Variants in PPP3CA observed in about 807,000 individuals in gnomAD.
The protein encoded by PPP3CA is protein phosphatase 3 catalytic subunit alpha.
Under a neutral mutation model 66.5 loss-of-function variants are expected in PPP3CA, and 14 were observed. The observed-to-expected ratio is 0.21, with a 90% CI of 0.14 to 0.33. The LOEUF is 0.33. Among genes scored for constraint, PPP3CA ranks in the 10% least tolerant of loss-of-function variants. The pLI is 1.00. For synonymous variants in PPP3CA, 232 were observed against 226.2 expected (o/e 1.03, Z -0.23); for missense variants, 317 against 639.5 (o/e 0.50, Z 5.44).
chr4:101,311,766 G>C (rs965566244), intron 1 of PPP3CA, among the ~76,000 whole-genome samples: 14 of 152,098 alleles, frequency 9.2e-5, no homozygotes, highest in Non-Finnish European at 1.0e-4. Context: ...GGGGATAGAA[G>C]GATACAAAAA....
rs191170053 is a variant in PPP3CA, at chr4:101,209,142, T to G, written c.59-13026A>C. ...TTATTAGAAAGAAATAATTTATACT[T>G]CCATAATAGAGATTTTAACAGTCCA... On this transcript the variant is annotated intron_variant, in intron 1 of 13. Coordinates refer to ENST00000394854, the MANE Select transcript of PPP3CA (RefSeq NM_000944.5). Among the ~76,000 whole-genome samples, 587 of 152,244 alleles carry G rather than the reference T, an allele frequency of 3.9e-3. 5 individuals are homozygous for G. Among genetic ancestry groups the G allele is most frequent in the African/African-American group, 0.013 (560 of 41,548 alleles).
intron 1 of PPP3CA, among the ~76,000 whole-genome samples, chr4:101,201,874 C>T (rs892814879): frequency 6.6e-6 from 1 of 152,182 alleles, no homozygotes; most frequent in African/African-American, 2.4e-5. Flanking sequence ...ATCAATTAAT[C>T]AATCAACCAG....
intron 1 of PPP3CA, among the ~76,000 whole-genome samples, chr4:101,257,168 A>G (rs1299100130): frequency 2.6e-5 from 4 of 151,740 alleles, no homozygotes; most frequent in African/African-American, 9.7e-5. Context: ...GTTATTGTTT[A>G]CTCCTGATTC....
intron 1 of PPP3CA, among the ~76,000 whole-genome samples, chr4:101,204,967 A>C (rs1196842055): frequency 6.7e-6 from 1 of 149,570 alleles, no homozygotes; most frequent in African/African-American, 2.5e-5. Context: ...ACTATCTTGG[A>C]TCTCCATACT....
Position 101,099,698 on chromosome 4 carries a change from T to C in PPP3CA, c.409A>G (p.Lys137Glu), listed in dbSNP as rs758904818. ...AACAGTGTTTTGGGGTAGAGAATTT[T>C]CAAGGCCCACAAATACAGCACACAC... ...IECVLYLWALKILYPKTLFLL... is the reference protein window; with the variant it reads ...IECVLYLWALEILYPKTLFLL... Residue 137 changes from lysine (K) to glutamate (E), a missense_variant, in exon 4 of 14, where the codon AAA becomes GAA. Lys to Glu is a moderately conservative substitution (Grantham distance 56). Transcript: ENST00000394854. 6.3e-7 allele frequency: 1 copy of C among 1,585,508 alleles called. No homozygotes were observed. Among genetic ancestry groups the C allele is most frequent in the Non-Finnish European group, 8.6e-7 (1 of 1,164,510 alleles).
intron 1 of PPP3CA, among the ~76,000 whole-genome samples, chr4:101,242,823 G>A (rs535225788): frequency 5.1e-4 from 77 of 152,252 alleles, no homozygotes; most frequent in Non-Finnish European, 9.3e-4. Context: ...AGCTACTCAG[G>A]AGGCTGGGGC....
intron 2 of PPP3CA, among the ~76,000 whole-genome samples, chr4:101,186,265 G>A (rs1724406274): frequency 6.6e-6 from 1 of 152,060 alleles, no homozygotes; most frequent in East Asian, 1.9e-4. Flanking sequence ...GCCAATGAGA[G>A]GGAGAAAAAC....
chr4:101,074,795 A>G (rs1002733473), intron 8 of PPP3CA, among the ~76,000 whole-genome samples: 6 of 152,228 alleles, frequency 3.9e-5, no homozygotes, highest in African/African-American at 1.2e-4. Context: ...CCAAAACATC[A>G]TATTTTTCCC....
intron 1 of PPP3CA, among the ~76,000 whole-genome samples, chr4:101,258,111 G>A (rs1578602490): frequency 6.6e-6 from 1 of 151,978 alleles, no homozygotes; most frequent in East Asian, 1.9e-4. Flanking sequence ...TACACAACCA[G>A]TTATCAAAAA....
At chr4:101,200,899 C>T (rs1162196343) in intron 1 of PPP3CA, among the ~76,000 whole-genome samples, 1 of 152,118 alleles carries the variant, frequency 6.6e-6, no homozygotes, top group Non-Finnish European at 1.5e-5. Context: ...CAGCACTTTA[C>T]CCTCTATATT....
At chr4:101,039,952 T>C (rs1466358365) in intron 11 of PPP3CA, among the ~76,000 whole-genome samples, 1 of 107,992 alleles carries the variant, frequency 9.3e-6, no homozygotes, top group East Asian at 2.0e-4. Flanking sequence ...GTTTTCTAAA[T>C]TAATGCTTAA....
intron 1 of PPP3CA, among the ~76,000 whole-genome samples, chr4:101,254,521 A>G (rs900496114): frequency 1.3e-5 from 2 of 151,900 alleles, no homozygotes; most frequent in African/African-American, 4.8e-5. Context: ...ACCTAATGCT[A>G]ATAGTTCCTG....
chr4:101,210,272 A>C (rs1205600770), intron 1 of PPP3CA, among the ~76,000 whole-genome samples: 1 of 152,190 alleles, frequency 6.6e-6, no homozygotes, highest in Non-Finnish European at 1.5e-5. Flanking sequence ...TGGTCCGGCT[A>C]TAATCAATTA....
In PPP3CA at chr4:101,344,386, C is replaced by T. The variant is rs142262695; in HGVS notation, c.58+2353G>A. ...GAATCCAACCTTGTATAATGCCTTTCATGCCAATAATATTCTACAAGAAAA... is the reference window on the plus strand; with the variant it reads ...GAATCCAACCTTGTATAATGCCTTTTATGCCAATAATATTCTACAAGAAAA... On this transcript the variant is annotated intron_variant, in intron 1 of 13. Transcript: ENST00000394854. 1.2e-4 allele frequency among the ~76,000 whole-genome samples: 19 copies of T among 152,264 alleles called. 1 individual carries two copies. Among genetic ancestry groups the T allele is most frequent in the African/African-American group, 4.6e-4 (19 of 41,552 alleles).
chr4:101,245,380 G>T (rs570681284), intron 1 of PPP3CA, among the ~76,000 whole-genome samples: 2 of 152,184 alleles, frequency 1.3e-5, no homozygotes, highest in East Asian at 1.9e-4. Context: ...TTTTTATCCC[G>T]AAGAGTACAA....
At chr4:101,209,916 G>A (rs1195852174) in intron 1 of PPP3CA, among the ~76,000 whole-genome samples, 1 of 151,940 alleles carries the variant, frequency 6.6e-6, no homozygotes, top group Non-Finnish European at 1.5e-5. Flanking sequence ...CAAATACAAA[G>A]TAAAGAAAAA....
intron 1 of PPP3CA, among the ~76,000 whole-genome samples, chr4:101,278,794 A>G (rs1727591730): frequency 6.6e-6 from 1 of 151,998 alleles, no homozygotes; most frequent in Non-Finnish European, 1.5e-5. Context: ...TTCACTTTAT[A>G]TTTTCCCTAC....
chr4:101,072,763 C>T (rs561091791), intron 8 of PPP3CA, among the ~76,000 whole-genome samples: 56 of 151,412 alleles, frequency 3.7e-4, no homozygotes, highest in African/African-American at 1.3e-3. Context: ...AGTGAAACCC[C>T]GTCTCTACTA....
intron 10 of PPP3CA, among the ~76,000 whole-genome samples, chr4:101,053,234 T>TA (rs1398482874): frequency 5.7e-4 from 87 of 152,292 alleles, no homozygotes; most frequent in African/African-American, 2.0e-3. Context: ...CGTGCCACTG[T>TA]AAAAATCAAA....
Sources: allele counts gnomAD v4.1 joint callset (sites outside exome capture counted in the v4.1 genomes callset), GRCh38; gene constraint gnomAD v4.1.1; transcripts MANE v1.5; gene names NCBI Gene and HGNC (gene_info 2026-07-23, HGNC 2026-07-21).